Variants in NF1 observed in about 807,000 individuals in gnomAD.
NF1 encodes neurofibromin 1, also known as neurofibromin.
NF1 carries 122 observed loss-of-function variants against 325.7 expected under a neutral mutation model. The ratio of observed to expected loss-of-function variants is 0.37; its 90% CI spans 0.32 to 0.44. The LOEUF is 0.44. NF1 is among the 20% of genes least tolerant of loss of function. The pLI is 1.00. For missense variants in NF1, 2,140 were observed against 3,415.4 expected, an observed-to-expected ratio of 0.63 and a Z score of 9.31; for synonymous variants, 1,091 against 1,186.0, an observed-to-expected ratio of 0.92 and a Z score of 1.65.
At chr17:31,108,000 G>T (rs1237412471) in intron 1 of NF1, among the ~76,000 whole-genome samples, 4 of 151,912 alleles carry the variant, frequency 2.6e-5, no homozygotes, top group Non-Finnish European at 5.9e-5. Flanking sequence ...AGGCGTGGTG[G>T]TGCATGCCTG....
intron 36 of NF1, among the ~76,000 whole-genome samples, chr17:31,313,050 T>G (rs1395482283): frequency 6.6e-6 from 1 of 152,186 alleles, no homozygotes; most frequent in Non-Finnish European, 1.5e-5. Flanking sequence ...TTTGGCTTAG[T>G]AAGCTTTTAA....
At chr17:31,250,433 A>C (rs2067475096) in intron 30 of NF1, 2 of 212,340 alleles carry the variant, frequency 9.4e-6, no homozygotes, top group Non-Finnish European at 1.9e-5. Flanking sequence ...TTGGCCTAGT[A>C]GTAACTGGTT....
In NF1 at chr17:31,184,779, T is replaced by A. The variant is rs767350175; in HGVS notation, c.888+2114T>A. 2.6e-5 allele frequency among the ~76,000 whole-genome samples: 4 copies of A among 152,206 alleles called. No homozygotes were observed. The East Asian group carries it at 7.7e-4, about 29-fold the overall frequency. On this transcript the variant is annotated intron_variant, in intron 8 of 57. Coordinates refer to ENST00000358273, the MANE Select transcript of NF1 (RefSeq NM_001042492.3). ...AAGATTGACCTGAGTGAGACCCTTA[T>A]CTCCTGTAGAAAAAGAGCTGAAATT...
At chr17:31,280,653 CAATTTCCT>C (rs1397104391) in intron 36 of NF1, among the ~76,000 whole-genome samples, 1 of 151,634 alleles carries the variant, frequency 6.6e-6, no homozygotes, top group Non-Finnish European at 1.5e-5. Context: ...GCTATTACAA[CAATTTCCT>C]AATTGGAGTA....
intron 36 of NF1, among the ~76,000 whole-genome samples, chr17:31,313,326 C>T (rs534127966): frequency 6.6e-6 from 1 of 152,212 alleles, no homozygotes; most frequent in East Asian, 1.9e-4. Flanking sequence ...TCAGTCATAG[C>T]CTGTGGAATC....
At chr17:31,167,549 C>G (rs952403740) in intron 4 of NF1, among the ~76,000 whole-genome samples, 1 of 152,120 alleles carries the variant, frequency 6.6e-6, no homozygotes, top group African/African-American at 2.4e-5. Context: ...TGCCTTTTCA[C>G]CATATCTCTA....
chr17:31,178,057 A>G (rs954439905), intron 5 of NF1, among the ~76,000 whole-genome samples: 1 of 152,166 alleles, frequency 6.6e-6, no homozygotes, highest in Non-Finnish European at 1.5e-5. Flanking sequence ...ACCCCAAGAC[A>G]TATAATCGTC....
chr17:31,165,142 A>C (rs1210814260), intron 4 of NF1, among the ~76,000 whole-genome samples: 1 of 152,176 alleles, frequency 6.6e-6, no homozygotes, highest in Non-Finnish European at 1.5e-5. Flanking sequence ...CAAATGTGCC[A>C]CCTTGGAAAA....
chr17:31,218,589 C>T (rs2066864655), intron 13 of NF1, among the ~76,000 whole-genome samples: 1 of 147,338 alleles, frequency 6.8e-6, no homozygotes, highest in African/African-American at 2.5e-5. Context: ...TTTCTTTTTT[C>T]CAGATGGAGT....
At chr17:31,320,362 C>CA (rs1378142755) in intron 36 of NF1, 1 of 1,522,750 alleles carries the variant, frequency 6.6e-7, no homozygotes, top group Non-Finnish European at 8.7e-7. Context: ...AAAAAAAAGG[C>CA]AGATTCTTAC....
intron 36 of NF1, among the ~76,000 whole-genome samples, chr17:31,277,745 T>C (rs1014027762): frequency 2.6e-5 from 4 of 152,192 alleles, no homozygotes; most frequent in Non-Finnish European, 5.9e-5. Context: ...CCATGCAGTA[T>C]GGTTTTTGTT....
intron 51 of NF1, among the ~76,000 whole-genome samples, chr17:31,354,662 GT>G (rs1444709273): frequency 6.6e-6 from 1 of 152,128 alleles, no homozygotes; most frequent in East Asian, 1.9e-4. Context: ...AAAAAATGGT[GT>G]GGGCCCCGCA....
intron 57 of NF1, among the ~76,000 whole-genome samples, chr17:31,373,386 T>G (rs2070681879): frequency 6.6e-6 from 1 of 152,194 alleles, no homozygotes; most frequent in South Asian, 2.1e-4. Flanking sequence ...GAAGGAGCAC[T>G]AGTCTTCCCT....
At chr17:31,329,990 CCT>C (rs2069440200) in intron 38 of NF1, among the ~76,000 whole-genome samples, 1 of 152,098 alleles carries the variant, frequency 6.6e-6, no homozygotes, top group Admixed American at 6.6e-5. Flanking sequence ...GACCATAAGT[CCT>C]CTCATATTTT....
chr17:31,134,484 A>G (rs1915613335), intron 1 of NF1, among the ~76,000 whole-genome samples: 1 of 152,162 alleles, frequency 6.6e-6, no homozygotes, highest in African/African-American at 2.4e-5. Context: ...TTGTTATGTT[A>G]TAAATTATTC....
intron 36 of NF1, among the ~76,000 whole-genome samples, chr17:31,299,073 C>G (rs1182358080): frequency 2.0e-5 from 3 of 152,004 alleles, no homozygotes; most frequent in African/African-American, 7.2e-5. Flanking sequence ...GGCAATGTTT[C>G]TCATTTCAAG....
chr17:31,263,838 T>C (rs1314643397), intron 35 of NF1, among the ~76,000 whole-genome samples: 1 of 152,128 alleles, frequency 6.6e-6, no homozygotes, highest in Non-Finnish European at 1.5e-5. Context: ...TTACTTGATA[T>C]AGAAATCTAA....
At chr17:31,278,204 G>T (rs773552896) in intron 36 of NF1, 6 of 152,148 alleles carry the variant, frequency 3.9e-5, no homozygotes, top group Admixed American at 3.9e-4. Context: ...AATGTTTCCA[G>T]AACTGTCTTC....
intron 27 of NF1, 48 bp from the exon 28 acceptor site, chr17:31,235,563 A>G (rs776562634): frequency 6.2e-7 from 1 of 1,610,288 alleles, no homozygotes; most frequent in Admixed American, 1.7e-5. Context: ...CCTACCTAAG[A>G]ATAAAAATGG....
Sources: allele counts gnomAD v4.1 joint callset (sites outside exome capture counted in the v4.1 genomes callset), GRCh38; gene constraint gnomAD v4.1.1; transcripts MANE v1.5; gene names NCBI Gene and HGNC (gene_info 2026-07-23, HGNC 2026-07-21).